The following DMD variants were observed in gnomAD, a reference collection of about 807,000 sequenced individuals.
The protein encoded by DMD is dystrophin.
A neutral mutation model predicts 330.1 loss-of-function variants in DMD; 63 were observed. The observed-to-expected ratio is 0.19, with a 90% CI of 0.16 to 0.24. The LOEUF is 0.24. DMD is among the 10% of genes least tolerant of loss of function. DMD has a pLI of 1.00. For synonymous variants in DMD, 1,223 were observed against 959.8 expected, an observed-to-expected ratio of 1.27 and a Z score of -5.07; for missense variants, 3,344 against 2,684.1, an observed-to-expected ratio of 1.25 and a Z score of -5.43.
At chrX:32,935,134 A>G (rs2089907790) in intron 2 of DMD, among the ~76,000 whole-genome samples, 2 of 111,901 alleles carry the variant, frequency 1.8e-5, no homozygotes, top group African/African-American at 3.2e-5. Flanking sequence ...GCCCGCCACC[A>G]CGCCCCGCTA....
At chrX:32,411,950 T>A in intron 29 of DMD, 37 bp from the exon 30 acceptor site, 1 of 1,198,518 alleles carries the variant, frequency 8.3e-7, no homozygotes, top group Non-Finnish European at 1.1e-6. Flanking sequence ...AGTTAAATGT[T>A]TACTCTTGAT....
chrX:31,567,285 C>T (rs2075520612), intron 55 of DMD, among the ~76,000 whole-genome samples: 1 of 111,208 alleles, frequency 9.0e-6, no homozygotes, highest in Non-Finnish European at 1.9e-5. Context: ...GCATCCTTCC[C>T]TAATTAGCAA....
chrX:31,733,879 T>C (rs12687049), intron 51 of DMD, among the ~76,000 whole-genome samples: 4,660 of 111,123 alleles, frequency 0.042, 111 homozygotes, highest in East Asian at 0.089. Flanking sequence ...TGGATATTGA[T>C]ATTTTCCTAC....
chrX:33,243,111 C>G (rs5971700), intron 1 of DMD, among the ~76,000 whole-genome samples: 1 of 111,069 alleles, frequency 9.0e-6, no homozygotes, highest in South Asian at 3.7e-4. Flanking sequence ...TTTCATTAGG[C>G]CCCAGCTATT....
chrX:31,197,656 C>T (rs1314229863), intron 67 of DMD, among the ~76,000 whole-genome samples: 1 of 111,556 alleles, frequency 9.0e-6, no homozygotes, highest in African/African-American at 3.3e-5. Context: ...GATTTTGACA[C>T]TCCAGCTCTC....
intron 7 of DMD, among the ~76,000 whole-genome samples, chrX:32,759,866 A>G (rs1366994464): frequency 2.5e-4 from 16 of 62,797 alleles, no homozygotes; most frequent in African/African-American, 9.9e-4. Flanking sequence ...GGGGCGGGGG[A>G]AGACCCAGGC....
chrX:32,643,155 T>C (rs939598845), intron 11 of DMD, among the ~76,000 whole-genome samples: 5 of 111,194 alleles, frequency 4.5e-5, no homozygotes, highest in African/African-American at 1.6e-4. Context: ...TCAATATGCA[T>C]AGATTAGTAT....
chrX:31,914,815 G>C (rs1401403946), intron 47 of DMD, among the ~76,000 whole-genome samples: 3 of 112,172 alleles, frequency 2.7e-5, no homozygotes, highest in African/African-American at 9.7e-5. Context: ...ATAATACCCA[G>C]TATTCGATAG....
At chrX:32,254,378 A>C (rs750123667) in intron 43 of DMD, among the ~76,000 whole-genome samples, 1 of 112,208 alleles carries the variant, frequency 8.9e-6, no homozygotes, top group African/African-American at 3.2e-5. Flanking sequence ...TGTAGCATAT[A>C]ATAATGTGTG....
At chrX:31,151,340 A>C (rs934985756) in intron 74 of DMD, among the ~76,000 whole-genome samples, 1 of 112,354 alleles carries the variant, frequency 8.9e-6, no homozygotes, top group African/African-American at 3.2e-5. Flanking sequence ...TCCTATTCAA[A>C]TTTTTCTTTC....
chrX:32,084,178 C>A (rs1254256940), intron 44 of DMD, among the ~76,000 whole-genome samples: 1 of 111,582 alleles, frequency 9.0e-6, no homozygotes. Context: ...AGCTTTAGAG[C>A]TTGAGTTAGT....
chrX:32,485,734 CTTTTTTTTTTTT>C lies in DMD; in HGVS notation c.2623-647_2623-636del, dbSNP rs5902034. On this transcript the variant is annotated intron_variant, in intron 20 of 78. Coordinates refer to ENST00000357033, the MANE Select transcript of DMD (RefSeq NM_004006.3). ...CTCCTGACCAAACAGGCAACCACTG[CTTTTTTTTTTTT>C]TTTTTTTTTTTTTTGGGACAGAGTC... Among the ~76,000 whole-genome samples, 64 of 36,158 alleles carry C rather than the reference CTTTTTTTTTTTT, an allele frequency of 1.8e-3. 3 individuals are homozygous for C. Among genetic ancestry groups the C allele is most frequent in the African/African-American group, 5.6e-3 (52 of 9,359 alleles). The allele number at this position is 36,158 out of a possible 115,157, so 31.4% of individuals were successfully genotyped here.
intron 4 of DMD, among the ~76,000 whole-genome samples, chrX:32,824,857 G>T (rs1415318530): frequency 9.0e-6 from 1 of 111,688 alleles, no homozygotes; most frequent in African/African-American, 3.3e-5. Context: ...AGTTTTATAA[G>T]ATGTTACTAC....
chrX:33,115,463 G>A (rs1217513641), intron 1 of DMD, among the ~76,000 whole-genome samples: 1 of 110,095 alleles, frequency 9.1e-6, no homozygotes, highest in African/African-American at 3.3e-5. Context: ...TCAAGACCAC[G>A]CCTAAACTAC....
At chrX:32,728,542 T>G (rs376891588) in intron 7 of DMD, among the ~76,000 whole-genome samples, 1 of 111,333 alleles carries the variant, frequency 9.0e-6, no homozygotes, top group Non-Finnish European at 1.9e-5. Flanking sequence ...TAGAGAGGAG[T>G]AGACCACATA....
intron 60 of DMD, among the ~76,000 whole-genome samples, chrX:31,374,397 C>T (rs1000810669): frequency 1.8e-5 from 2 of 109,312 alleles, no homozygotes; most frequent in South Asian, 4.1e-4. Context: ...GCACTATTCA[C>T]AACAGCAAAG....
Position 31,482,238 on chromosome X carries a change from G to T in DMD, c.8548-3135C>A, listed in dbSNP as rs886940715. ...ATGATGGTGTGTGTGTGTGTGTGTG[G>T]GGGGGGTGTTCTGTGCATGGGGGAC... is the stretch of plus-strand genomic sequence containing the variant. On this transcript the variant is annotated intron_variant, in intron 57 of 78. Coordinates refer to ENST00000357033, the MANE Select transcript of DMD (RefSeq NM_004006.3). 8.3e-4 allele frequency among the ~76,000 whole-genome samples: 77 copies of T among 92,839 alleles called. 2 individuals carry two copies. Among genetic ancestry groups the T allele is most frequent in the Middle Eastern group, 5.0e-3 (1 of 201 alleles). The allele number at this position is 92,839 out of a possible 115,157, so 80.6% of individuals were successfully genotyped here.
intron 76 of DMD, 133 bp from the exon 77 acceptor site, chrX:31,134,327 C>A: frequency 2.0e-6 from 1 of 505,943 alleles, no homozygotes; most frequent in Non-Finnish European, 3.3e-6. Flanking sequence ...AACCCTCAAG[C>A]TTAATAATGA....
At chrX:32,031,949 T>C (rs1259812030) in intron 44 of DMD, among the ~76,000 whole-genome samples, 3 of 112,088 alleles carry the variant, frequency 2.7e-5, no homozygotes, top group Non-Finnish European at 3.8e-5. Context: ...ACTATTTTAT[T>C]ATTTTCTAGT....
Sources: allele counts gnomAD v4.1 joint callset (sites outside exome capture counted in the v4.1 genomes callset), GRCh38; gene constraint gnomAD v4.1.1; transcripts MANE v1.5; gene names NCBI Gene and HGNC (gene_info 2026-07-23, HGNC 2026-07-21).